The following SPSB4 variants were observed in gnomAD, a reference collection of about 807,000 sequenced individuals.
SPSB4 encodes SPRY domain-containing SOCS box protein 4.
SPSB4 carries 21 observed loss-of-function variants against 20.9 expected under a neutral mutation model. That is an observed-to-expected ratio of 1.01 (90% confidence interval 0.71 to 1.45). The LOEUF is 1.45. SPSB4 is among the 40% of genes most tolerant of loss of function. SPSB4 has a pLI of 0.00. For missense variants in SPSB4, 399 were observed against 399.2 expected, an observed-to-expected ratio of 1.00 and a Z score of 0.00; for synonymous variants, 207 against 183.8, an observed-to-expected ratio of 1.13 and a Z score of -1.02.
intron 2 of SPSB4, among the ~76,000 whole-genome samples, chr3:141,110,141 G>A (rs1938772700): frequency 6.6e-6 from 1 of 152,108 alleles, no homozygotes; most frequent in African/African-American, 2.4e-5. Flanking sequence ...CTTCTTTCAG[G>A]AACCCAGAGG....
At position 141,068,834 on chromosome 3, in the gene SPSB4, C is replaced by G. The variant is rs149958553; in HGVS notation, c.694+2036C>G. On this transcript the variant is annotated intron_variant, in intron 2 of 2. Transcript: ENST00000310546. ...TTCAGGTGCAAAGCCAAGATGCTAACAGGGTTGCAGCCTGTGGGGCCATGC... is the reference window on the plus strand; with the variant it reads ...TTCAGGTGCAAAGCCAAGATGCTAAGAGGGTTGCAGCCTGTGGGGCCATGC... 4.0e-3 allele frequency among the ~76,000 whole-genome samples: 610 copies of G among 152,306 alleles called. 4 individuals carry two copies. The highest frequency in any genetic ancestry group is 5.7e-3 in the Non-Finnish European group (385 of 68,030).
At chr3:141,105,793 ATAGAT>A (rs1938678356) in intron 2 of SPSB4, among the ~76,000 whole-genome samples, 1 of 152,246 alleles carries the variant, frequency 6.6e-6, no homozygotes, top group Non-Finnish European at 1.5e-5. Flanking sequence ...TTATAATAAA[ATAGAT>A]TAAAGTTTTA....
intron 2 of SPSB4, among the ~76,000 whole-genome samples, chr3:141,118,080 C>A (rs1240909861): frequency 6.6e-6 from 1 of 152,234 alleles, no homozygotes; most frequent in Non-Finnish European, 1.5e-5. Context: ...AATCGCCACA[C>A]TGCCTTCCAC....
intron 2 of SPSB4, among the ~76,000 whole-genome samples, chr3:141,135,456 A>G (rs1939211245): frequency 6.6e-6 from 1 of 151,774 alleles, no homozygotes; most frequent in Non-Finnish European, 1.5e-5. Flanking sequence ...TTAACTCATC[A>G]TTTAGCATTA....
intron 1 of SPSB4, among the ~76,000 whole-genome samples, chr3:141,057,207 G>T (rs1163585852): frequency 2.6e-5 from 4 of 152,196 alleles, no homozygotes; most frequent in Non-Finnish European, 5.9e-5. Flanking sequence ...GCTAATGAAT[G>T]CCTATGAACA....
intron 2 of SPSB4, among the ~76,000 whole-genome samples, chr3:141,133,160 T>C (rs1939164028): frequency 6.6e-6 from 1 of 152,240 alleles, no homozygotes; most frequent in African/African-American, 2.4e-5. Flanking sequence ...ATTATTTGTT[T>C]TTTTCTTGCT....
chr3:141,099,936 T>G (rs1938591619), intron 2 of SPSB4, among the ~76,000 whole-genome samples: 1 of 152,224 alleles, frequency 6.6e-6, no homozygotes, highest in African/African-American at 2.4e-5. Context: ...AGTATGGTCT[T>G]GACTGGTCTT....
chr3:141,063,178 C>A (rs1215496122), intron 1 of SPSB4, among the ~76,000 whole-genome samples: 1 of 152,192 alleles, frequency 6.6e-6, no homozygotes, highest in African/African-American at 2.4e-5. Context: ...GATTACAGTG[C>A]CTGCTTAGTT....
chr3:141,090,393 G>T (rs6788334), intron 2 of SPSB4, among the ~76,000 whole-genome samples: 66,447 of 151,986 alleles, frequency 0.44, 15,467 homozygotes, highest in African/African-American at 0.6. Context: ...TGATAAGTAC[G>T]GTGGAGAAAA....
At chr3:141,133,602 G>A (rs1224631660) in intron 2 of SPSB4, among the ~76,000 whole-genome samples, 1 of 152,086 alleles carries the variant, frequency 6.6e-6, no homozygotes, top group African/African-American at 2.4e-5. Context: ...TTGGCTGTGG[G>A]TATTTGGCTT....
intron 2 of SPSB4, among the ~76,000 whole-genome samples, chr3:141,084,813 G>A (rs151106335): frequency 1.3e-3 from 205 of 152,326 alleles, no homozygotes; most frequent in African/African-American, 4.6e-3. Context: ...CCCTCCAGAT[G>A]CTCATTCATA....
chr3:141,107,381 C>T (rs1251674459), intron 2 of SPSB4, among the ~76,000 whole-genome samples: 2 of 150,990 alleles, frequency 1.3e-5, no homozygotes, highest in African/African-American at 5.0e-5. Context: ...ATGCAAAAGG[C>T]TTAGGAAAAA....
At chr3:141,122,756 G>GCCAA (rs1367332906) in intron 2 of SPSB4, among the ~76,000 whole-genome samples, 1 of 152,228 alleles carries the variant, frequency 6.6e-6, no homozygotes, top group Non-Finnish European at 1.5e-5. Context: ...AGCCAGGCAC[G>GCCAA]GGAGGGAATT....
chr3:141,109,066 T>C (rs1938750788), intron 2 of SPSB4, among the ~76,000 whole-genome samples: 1 of 152,178 alleles, frequency 6.6e-6, no homozygotes, highest in Non-Finnish European at 1.5e-5. Context: ...TAAATTTAGA[T>C]TTTACTTATT....
In SPSB4 at chr3:141,066,155, GGCGCTGCGGCCGGCCAAGCGGGAGCT is replaced by G. The variant is rs1378586815; in HGVS notation, c.55_80del (p.Leu19GlyfsTer109). ...TCAAGTCAGTGGAGGTGCGAGAGCC[GGCGCTGCGGCCGGCCAAGCGGGAGCT>G]GCGGGGTGCAGAGCCCGGGCGGCCG... On this transcript the variant is annotated frameshift_variant, in exon 2 of 3. Transcript: ENST00000310546. LOFTEE classifies it high-confidence loss of function. 33 of 1,532,292 alleles carry G rather than the reference GGCGCTGCGGCCGGCCAAGCGGGAGCT, an allele frequency of 2.2e-5. No homozygotes were observed. Among genetic ancestry groups the G allele is most frequent in the Non-Finnish European group, 2.7e-5 (31 of 1,142,012 alleles). 94.9% of individuals were successfully genotyped at this position (1,532,292 alleles called of 1,614,324 possible). A position where few individuals can be genotyped will look rare whatever the true frequency, so the allele number is the denominator to read the frequency against.
At chr3:141,130,377 C>T (rs368386010) in intron 2 of SPSB4, among the ~76,000 whole-genome samples, 28 of 152,286 alleles carry the variant, frequency 1.8e-4, no homozygotes, top group African/African-American at 6.0e-4. Flanking sequence ...GACACCAAAA[C>T]CATAGTCTGT....
Position 141,086,775 on chromosome 3 carries a change from G to A in SPSB4, c.694+19977G>A, listed in dbSNP as rs79876296. ...GATTATAAAATGATACCGTGTCCCA[G>A]GCTCTGTTATCAGCACTTTATATGT... On this transcript the variant is annotated intron_variant, in intron 2 of 2. Transcript: ENST00000310546. Among the ~76,000 whole-genome samples, 794 of 152,308 alleles carry A rather than the reference G, an allele frequency of 5.2e-3. 7 individuals carry two copies. Among genetic ancestry groups the A allele is most frequent in the African/African-American group, 0.018 (761 of 41,570 alleles).
Position 141,084,864 on chromosome 3 carries a change from T to C in SPSB4, c.694+18066T>C, listed in dbSNP as rs77644149. ...CTGCAAACATTTACTGTGCTTCATC[T>C]GCCTGGGCCCATGGGGAAGATCAGA... On this transcript the variant is annotated intron_variant, in intron 2 of 2. Coordinates refer to ENST00000310546, the MANE Select transcript of SPSB4 (RefSeq NM_080862.3). 6.6e-3 allele frequency among the ~76,000 whole-genome samples: 1,010 copies of C among 152,362 alleles called. 7 individuals are homozygous for C. Among genetic ancestry groups the C allele is most frequent in the African/African-American group, 0.021 (890 of 41,592 alleles).
chr3:141,119,878 A>AT (rs1484630177), intron 2 of SPSB4, among the ~76,000 whole-genome samples: 7 of 151,504 alleles, frequency 4.6e-5, no homozygotes, highest in Non-Finnish European at 5.9e-5. Flanking sequence ...GGATTCATTG[A>AT]TTTTTTTTGA....
Sources: gnomAD v4.1 joint callset for allele counts (sites outside exome capture counted in the v4.1 genomes callset) on GRCh38, gnomAD v4.1.1 for gene constraint, MANE v1.5 for transcripts, NCBI Gene and HGNC (gene_info 2026-07-23, HGNC 2026-07-21) for gene names.